The following ATOSA variants were observed in gnomAD, a reference collection of about 807,000 sequenced individuals.
ATOSA encodes the protein atos homolog protein A.
chr15:52,691,718 C>T, the ATOSA span, among the ~76,000 whole-genome samples: 6 of 151,832 alleles, frequency 4.0e-5, no homozygotes, highest in Non-Finnish European at 7.4e-5. Flanking sequence ...ACCTGTAGTC[C>T]CAGCTACTCA....
the ATOSA span, chr15:52,584,868 T>C: frequency 1.2e-6 from 2 of 1,613,582 alleles, no homozygotes; most frequent in South Asian, 1.1e-5. Context: ...GAATGTCTGA[T>C]GATTGGCTGG....
the ATOSA span, among the ~76,000 whole-genome samples, chr15:52,688,529 T>C: frequency 6.6e-6 from 1 of 151,838 alleles, no homozygotes; most frequent in African/African-American, 2.4e-5. Flanking sequence ...AGATAGGAAA[T>C]ACAAGAGAAA....
chr15:52,659,870 A>T, the ATOSA span, among the ~76,000 whole-genome samples: 5,268 of 152,138 alleles, frequency 0.035, 272 homozygotes, highest in African/African-American at 0.11. Flanking sequence ...TTAAAAAAAT[A>T]AAAAAGTAAA....
chr15:52,667,594 T>C, the ATOSA span, among the ~76,000 whole-genome samples: 1 of 152,190 alleles, frequency 6.6e-6, no homozygotes, highest in African/African-American at 2.4e-5. Flanking sequence ...AGGCCTTGGT[T>C]TGTAGCACTG....
At chr15:52,662,563 G>A in the ATOSA span, among the ~76,000 whole-genome samples, 3 of 152,242 alleles carry the variant, frequency 2.0e-5, no homozygotes, top group East Asian at 5.8e-4. Context: ...AAGGTCAGGA[G>A]ATCGAGACCA....
chr15:52,602,359 C>T, the ATOSA span, among the ~76,000 whole-genome samples: 23 of 152,296 alleles, frequency 1.5e-4, no homozygotes, highest in African/African-American at 4.8e-4. Context: ...ATTTTTAACT[C>T]TCAAATTGCT....
chr15:52,598,827 T>A, the ATOSA span: 1 of 152,200 alleles, frequency 6.6e-6, no homozygotes, highest in Non-Finnish European at 1.5e-5. Context: ...GGTATTTCGG[T>A]CATGGAGGTG....
the ATOSA span, among the ~76,000 whole-genome samples, chr15:52,621,384 ATAAG>A: frequency 6.6e-6 from 1 of 152,248 alleles, no homozygotes; most frequent in Admixed American, 6.5e-5. Context: ...TCTGACTAGC[ATAAG>A]TAACTCCTAT....
the ATOSA span, among the ~76,000 whole-genome samples, chr15:52,645,561 G>C: frequency 6.6e-6 from 1 of 152,112 alleles, no homozygotes; most frequent in Admixed American, 6.6e-5. Flanking sequence ...GCTCCCAGTG[G>C]GTATGATATC....
At chr15:52,623,702 G>A in the ATOSA span, among the ~76,000 whole-genome samples, 21 of 152,274 alleles carry the variant, frequency 1.4e-4, no homozygotes, top group African/African-American at 5.1e-4. Context: ...AGTCATTGGT[G>A]ACCTTGAAAA....
the ATOSA span, among the ~76,000 whole-genome samples, chr15:52,706,629 G>A: frequency 2.4e-4 from 37 of 152,100 alleles, no homozygotes; most frequent in Admixed American, 2.2e-3. Flanking sequence ...ACCCAAATCC[G>A]GGAAAGTTGA....
the ATOSA span, chr15:52,678,996 C>G: frequency 6.5e-6 from 1 of 153,592 alleles, no homozygotes; most frequent in Non-Finnish European, 1.4e-5. Flanking sequence ...CCCAGCAGCT[C>G]ACATCACACT....
the ATOSA span, among the ~76,000 whole-genome samples, chr15:52,690,409 C>T: frequency 3.2e-4 from 49 of 152,084 alleles, no homozygotes; most frequent in African/African-American, 1.2e-3. Flanking sequence ...TGTTTGCTTT[C>T]GTTTTAAATA....
At chr15:52,665,483 C>T in the ATOSA span, among the ~76,000 whole-genome samples, 1 of 152,012 alleles carries the variant, frequency 6.6e-6, no homozygotes, top group Admixed American at 6.6e-5. Context: ...TTAAAGCTAA[C>T]AAGAGTGTCA....
At chr15:52,647,501 GTGA>G in the ATOSA span, among the ~76,000 whole-genome samples, 5 of 152,198 alleles carry the variant, frequency 3.3e-5, no homozygotes, top group African/African-American at 1.2e-4. Context: ...ACTCGTATCT[GTGA>G]TGATATTTAA....
the ATOSA span, among the ~76,000 whole-genome samples, chr15:52,614,637 C>T: frequency 6.6e-6 from 1 of 151,660 alleles, no homozygotes; most frequent in Non-Finnish European, 1.5e-5. Flanking sequence ...CACCTGAGGT[C>T]GGGAATTTGA....
At chr15:52,632,876 A>G in the ATOSA span, among the ~76,000 whole-genome samples, 23 of 152,238 alleles carry the variant, frequency 1.5e-4, no homozygotes, top group Non-Finnish European at 3.1e-4. Context: ...TATATATAAC[A>G]TAACTGATGG....
At chr15:52,669,164 G>A in the ATOSA span, among the ~76,000 whole-genome samples, 1 of 151,906 alleles carries the variant, frequency 6.6e-6, no homozygotes, top group African/African-American at 2.4e-5. Flanking sequence ...CTTGTGATCC[G>A]CCCACCTCAG....
the ATOSA span, chr15:52,657,900 T>C: frequency 1.3e-5 from 2 of 152,222 alleles, no homozygotes; most frequent in South Asian, 4.1e-4. Context: ...TCATTGCTTA[T>C]AGCAAGATTG....
Sources: allele counts gnomAD v4.1 joint callset (sites outside exome capture counted in the v4.1 genomes callset), GRCh38; gene constraint gnomAD v4.1.1; transcripts MANE v1.5; gene names NCBI Gene and HGNC (gene_info 2026-07-23, HGNC 2026-07-21).